Variants in DBR1 observed in about 807,000 individuals in gnomAD.
DBR1 encodes debranching RNA lariats 1.
A neutral mutation model predicts 45.9 loss-of-function variants in DBR1; 33 were observed. That is an observed-to-expected ratio of 0.72 (90% CI 0.55 to 0.96). The LOEUF is 0.96. DBR1 is among the 40% of genes least tolerant of loss of function. The pLI is 0.00. For synonymous variants in DBR1, 235 were observed against 235.9 expected (o/e 1.00, Z 0.04); for missense variants, 619 against 667.4 (o/e 0.93, Z 0.80).
chr3:138,173,469 GAA>G (rs771605497), intron 2 of DBR1, 31 bp downstream of exon 2: 1 of 1,607,306 alleles, frequency 6.2e-7, no homozygotes, highest in Non-Finnish European at 8.5e-7. Flanking sequence ...TCCATCCCAG[GAA>G]AAAAAAGTAT....
chr3:138,164,956 T>G (rs2107902715), intron 5 of DBR1, among the ~76,000 whole-genome samples: 1 of 152,286 alleles, frequency 6.6e-6, no homozygotes, highest in East Asian at 1.9e-4. Context: ...CATATTAATT[T>G]TATGCTATGT....
At position 138,173,526 on chromosome 3, in the gene DBR1, C is replaced by G. The variant is rs754271413; in HGVS notation, c.298G>C (p.Val100Leu). The G allele has an allele frequency of 1.2e-6, 2 of 1,613,952 alleles. No homozygotes were observed. Among genetic ancestry groups the G allele is most frequent in the Non-Finnish European group, 1.7e-6 (2 of 1,179,912 alleles). Residue 100 changes from valine (V) to leucine (L), a missense_variant, in exon 2 of 8, where the codon GTG (valine) becomes CTG (leucine). By Grantham distance (32) the Val-to-Leu change is conservative (BLOSUM62 1). Transcript: ENST00000260803. ...HLQELPYGGW[V>L]APNIYYLGLA... ...CCTAAATAATAAATGTTTGGTGCCA[C>G]CCAGCCACCATAGGGTAACTCTTGC...
At chr3:138,173,088 A>AC (rs1491482719) in intron 2 of DBR1, among the ~76,000 whole-genome samples, 1 of 18,224 alleles carries the variant, frequency 5.5e-5, no homozygotes, top group East Asian at 1.1e-3. Flanking sequence ...CTCTTCCCAC[A>AC]AAAAAAAAAA....
chr3:138,172,352 G>GACTT (rs2042959024), intron 2 of DBR1, among the ~76,000 whole-genome samples: 1 of 152,182 alleles, frequency 6.6e-6, no homozygotes, highest in Non-Finnish European at 1.5e-5. Flanking sequence ...GGAGGCCCAG[G>GACTT]TGGGCGGATC....
chr3:138,171,722 T>C lies in DBR1; in HGVS notation c.323-9A>G. The stretch of plus-strand genomic sequence containing the variant: ...TACCACACCAGCCAAACCTAAACAA[T>C]ACAGTTAAATAAAATTACTGTAGGC... On this transcript the variant is annotated splice_polypyrimidine_tract_variant and intron_variant, in intron 2 of 7. Transcript: ENST00000260803. 2 of 1,603,956 alleles carry C rather than the reference T, an allele frequency of 1.2e-6. No homozygotes were observed. The highest frequency in any genetic ancestry group is 2.7e-5 in the African/African-American group (2 of 74,828).
chr3:138,161,396 T>C lies in DBR1; in HGVS notation c.*493A>G, dbSNP rs1428728240. On this transcript the variant is annotated 3_prime_UTR_variant, in exon 8 of 8. Coordinates refer to ENST00000260803, the MANE Select transcript of DBR1 (RefSeq NM_016216.4). ...GTAAATATATGAAACTTTAATATGT[T>C]TGCATCTGAAACATACAAAAGCCTA... The C allele has an allele frequency of 6.5e-6, 1 of 154,288 alleles. No homozygotes were observed. The highest frequency in any genetic ancestry group is 1.4e-5 in the Non-Finnish European group (1 of 69,304). 9.6% of individuals were successfully genotyped at this position (154,288 alleles called of 1,614,324 possible). A position where few individuals can be genotyped will look rare whatever the true frequency, so the allele number is the denominator to read the frequency against.
intron 2 of DBR1, 73 bp downstream of exon 2, chr3:138,173,429 G>A: frequency 1.3e-6 from 2 of 1,510,210 alleles, no homozygotes; most frequent in Non-Finnish European, 1.8e-6. Flanking sequence ...TCAAGACACA[G>A]TCCAACTAAC....
At chr3:138,165,810 T>G (rs1372914557) in intron 5 of DBR1, among the ~76,000 whole-genome samples, 2 of 151,792 alleles carry the variant, frequency 1.3e-5, no homozygotes, top group Non-Finnish European at 2.9e-5. Flanking sequence ...TGATCTCTGG[T>G]GTTGGTAAAG....
At position 138,172,772 on chromosome 3, in the gene DBR1, G is replaced by C. The variant is rs79884845; in HGVS notation, c.322+730C>G. 7.0e-4 allele frequency among the ~76,000 whole-genome samples: 107 copies of C among 152,302 alleles called. 1 individual carries two copies. The East Asian group carries it at 0.014, about 21-fold the overall frequency. The stretch of plus-strand genomic sequence containing the variant: ...ACAAATTTCCTGTTTTCTTCAGCAA[G>C]TAAATGGCATGAAAAAGCGAGACAG... On this transcript the variant is annotated intron_variant, in intron 2 of 7. Transcript: ENST00000260803.
intron 5 of DBR1, chr3:138,164,169 C>A (rs761339146): frequency 1.2e-4 from 21 of 172,614 alleles, no homozygotes; most frequent in Non-Finnish European, 2.6e-4. Flanking sequence ...TAAAGATAAA[C>A]AAAAGAGCTT....
chr3:138,170,785 T>C lies in DBR1; in HGVS notation c.404-593A>G, dbSNP rs533769755. Among the ~76,000 whole-genome samples the C allele has an allele frequency of 5.9e-5, 9 of 152,346 alleles. No individual in the cohort carries two copies. The South Asian group carries it at 1.4e-3, about 25-fold the overall frequency. ...GTGAATCCAAGCTATTCCTTTAACT[T>C]TGAAATCAAAGTATAATTCATTCAG... On this transcript the variant is annotated intron_variant, in intron 3 of 7. Transcript: ENST00000260803.
chr3:138,161,914 T>C lies in DBR1; in HGVS notation c.1610A>G (p.Asp537Gly), dbSNP rs1293811119. The change falls in exon 8 of 8, where the codon GAT becomes GGT. Residue 537 changes from aspartate to glycine, a missense_variant. Asp to Gly is a moderately conservative substitution (Grantham distance 94, BLOSUM62 -1). Coordinates refer to ENST00000260803, the MANE Select transcript of DBR1 (RefSeq NM_016216.4). The part of the protein sequence containing the change: ...RRNQAIYAAV[D>G]DDDDDAA Reference sequence around the variant, plus strand: ...TTAAGCTGCATCGTCATCATCATCATCCACTGCAGCGTAAATGGCTTGATT... The same window carrying C: ...TTAAGCTGCATCGTCATCATCATCACCCACTGCAGCGTAAATGGCTTGATT... 6.2e-7 allele frequency: 1 copy of C among 1,612,690 alleles called. No homozygotes were observed. Among genetic ancestry groups the C allele is most frequent in the Admixed American group, 1.7e-5 (1 of 59,994 alleles).
In DBR1 at chr3:138,171,668, A is replaced by T; in HGVS notation, c.368T>A (p.Ile123Asn). 1 of 1,613,706 alleles carries T rather than the reference A, an allele frequency of 6.2e-7. No homozygotes were observed. Among genetic ancestry groups the T allele is most frequent in the Non-Finnish European group, 8.5e-7 (1 of 1,179,714 alleles). ...GTCATGAGATTTAAAGATACCAGAG[A>T]TTCCACCGATCCTTACACCTCGGTA... ...VKYRGVRIGG[I>N]SGIFKSHDYR... Residue 123 changes from isoleucine (I) to asparagine (N), a missense_variant, in exon 3 of 8, where the codon ATC becomes AAC. Around this residue, in one of 3 missense-constraint regions of DBR1, gnomAD observed 430 missense variants for 447.7 expected, o/e 0.96. Coordinates refer to ENST00000260803, the MANE Select transcript of DBR1 (RefSeq NM_016216.4).
intron 5 of DBR1, 44 bp downstream of exon 5, chr3:138,167,037 C>A: frequency 6.5e-7 from 1 of 1,547,880 alleles, no homozygotes; most frequent in South Asian, 1.1e-5. Context: ...CATAGATGTT[C>A]AATAGTGTGT....
At chr3:138,170,258 T>A in intron 3 of DBR1, 66 bp from the exon 4 acceptor site, 1 of 974,192 alleles carries the variant, frequency 1.0e-6, no homozygotes, top group Non-Finnish European at 1.5e-6. Flanking sequence ...CAAAGACATA[T>A]ACACAGGTCT....
chr3:138,161,348 CA>C lies in DBR1; in HGVS notation c.*540del, dbSNP rs200142372. ...AATGGAAGTGAATAATGTATGTCTT[CA>C]AAAAAAAAGATACCCAGTCAAGTAA... On this transcript the variant is annotated 3_prime_UTR_variant, in exon 8 of 8. Transcript: ENST00000260803. 2.7e-5 allele frequency: 4 copies of C among 149,962 alleles called. No individual in the cohort carries two copies. Among genetic ancestry groups the C allele is most frequent in the East Asian group, 2.0e-4 (1 of 5,124 alleles). 9.3% of individuals were successfully genotyped at this position (149,962 alleles called of 1,614,324 possible). A position where few individuals can be genotyped will look rare whatever the true frequency, so the allele number is the denominator to read the frequency against.
rs1293172272 is a variant in DBR1, at chr3:138,162,369, C to T, written c.1155G>A (p.Lys385=). Residue 385 remains lysine (K), a synonymous_variant, in exon 8 of 8, where the codon AAG becomes AAA. Coordinates refer to ENST00000260803, the MANE Select transcript of DBR1 (RefSeq NM_016216.4). ...GIIDINVRLQ[K]SKEEHHVCGE... is the part of the protein sequence containing the mutation. ...CACACACATGATGTTCTTCCTTGGACTTCTGAAGCCTAACATTGATGTCTA... is the reference window on the plus strand; with the variant it reads ...CACACACATGATGTTCTTCCTTGGATTTCTGAAGCCTAACATTGATGTCTA... The T allele has an allele frequency of 6.2e-7, 1 of 1,614,036 alleles. No homozygotes were observed. Among genetic ancestry groups the T allele is most frequent in the Non-Finnish European group, 8.5e-7 (1 of 1,180,040 alleles).
chr3:138,165,547 G>C (rs935532320), intron 5 of DBR1, among the ~76,000 whole-genome samples: 2 of 152,038 alleles, frequency 1.3e-5, no homozygotes, highest in Non-Finnish European at 2.9e-5. Context: ...GGCTAACACA[G>C]TGAAACGCCG....
Position 138,163,403 on chromosome 3 carries a change from A to T in DBR1, c.887T>A (p.Ile296Asn), listed in dbSNP as rs1268450636. Residue 296 changes from isoleucine to asparagine, a missense_variant, in exon 7 of 8, where the codon ATT (isoleucine) becomes AAT (asparagine). This residue lies in a region of DBR1 where 430 missense variants were observed against 447.7 expected (regional missense o/e 0.96). Transcript: ENST00000260803. The part of the protein sequence containing the change: ...LTILRATDDL[I>N]NVTGRLWNMP... ...ATTCCACAGGCGCCCAGTCACATTAATAAGATCATCCGTAGCCCTGAGAAT... is the reference window on the plus strand; with the variant it reads ...ATTCCACAGGCGCCCAGTCACATTATTAAGATCATCCGTAGCCCTGAGAAT... 1 of 1,614,052 alleles carries T rather than the reference A, an allele frequency of 6.2e-7. No homozygotes were observed. The highest frequency in any genetic ancestry group is 8.5e-7 in the Non-Finnish European group (1 of 1,179,938).
Sources: allele counts gnomAD v4.1 joint callset (sites outside exome capture counted in the v4.1 genomes callset), GRCh38; gene constraint gnomAD v4.1.1; regional missense constraint gnomAD v4.1.1; transcripts MANE v1.5; gene names NCBI Gene and HGNC (gene_info 2026-07-23, HGNC 2026-07-21).